Variants in ADAM23 observed in about 807,000 individuals in gnomAD.
The protein encoded by ADAM23 is disintegrin and metalloproteinase domain-containing protein 23.
In ADAM23, 33 loss-of-function variants were observed where a neutral mutation model predicts 120.1. That is an observed-to-expected ratio of 0.27 (90% CI 0.21 to 0.37). The LOEUF is 0.37. Ranked by LOEUF, ADAM23 falls within the 10% of genes least tolerant of loss-of-function variation. The probability of loss-of-function intolerance (pLI) is 1.00; values close to 1 mark genes in which losing one functional copy is unlikely to be tolerated. For missense variants in ADAM23, 862 were observed against 1,058.2 expected (o/e 0.81, Z 2.57); for synonymous variants, 367 against 375.2 (o/e 0.98, Z 0.25).
At chr2:206,610,512 A>C (rs2105865025) in intron 25 of ADAM23, among the ~76,000 whole-genome samples, 1 of 152,358 alleles carries the variant, frequency 6.6e-6, no homozygotes, top group South Asian at 2.1e-4. Flanking sequence ...AGATTTTAAA[A>C]GTATTTGTAT....
At chr2:206,471,332 A>T (rs1695656353) in intron 2 of ADAM23, among the ~76,000 whole-genome samples, 1 of 152,206 alleles carries the variant, frequency 6.6e-6, no homozygotes, top group African/African-American at 2.4e-5. Context: ...TAGTCATCAT[A>T]AAGACTCAAG....
At chr2:206,559,522 T>G (rs1697715210) in intron 10 of ADAM23, among the ~76,000 whole-genome samples, 1 of 152,178 alleles carries the variant, frequency 6.6e-6, no homozygotes, top group African/African-American at 2.4e-5. Context: ...TATTGTTTGG[T>G]GCTTATCTGG....
chr2:206,483,037 G>A (rs1395347572), intron 3 of ADAM23, among the ~76,000 whole-genome samples: 4 of 152,130 alleles, frequency 2.6e-5, no homozygotes, highest in Admixed American at 2.6e-4. Context: ...TGGAAGTTCT[G>A]GTATTTCACG....
intron 3 of ADAM23, among the ~76,000 whole-genome samples, chr2:206,499,517 A>T (rs975222252): frequency 2.0e-5 from 3 of 150,570 alleles, no homozygotes; most frequent in Non-Finnish European, 4.4e-5. Context: ...GGGGGATAGC[A>T]TTAGGAGATA....
At chr2:206,520,041 A>G (rs937242376) in intron 3 of ADAM23, among the ~76,000 whole-genome samples, 1 of 152,170 alleles carries the variant, frequency 6.6e-6, no homozygotes, top group Admixed American at 6.6e-5. Context: ...AAAAGGAGCA[A>G]GATTATCATC....
At chr2:206,497,868 CAGAG>C (rs1404281207) in intron 3 of ADAM23, among the ~76,000 whole-genome samples, 1 of 152,084 alleles carries the variant, frequency 6.6e-6, no homozygotes, top group Non-Finnish European at 1.5e-5. Flanking sequence ...AACAGACAAA[CAGAG>C]AGCCAAATCA....
intron 24 of ADAM23, among the ~76,000 whole-genome samples, chr2:206,603,149 A>G (rs1221331775): frequency 6.6e-6 from 1 of 152,212 alleles, no homozygotes; most frequent in Non-Finnish European, 1.5e-5. Flanking sequence ...GAATGAATTA[A>G]TGAATAAATT....
chr2:206,571,364 A>G (rs1035501845), intron 16 of ADAM23, among the ~76,000 whole-genome samples: 8 of 151,908 alleles, frequency 5.3e-5, no homozygotes, highest in African/African-American at 1.9e-4. Context: ...AGTCCCAGCT[A>G]CTCGGGAGGC....
intron 2 of ADAM23, among the ~76,000 whole-genome samples, chr2:206,473,460 G>A (rs1170328048): frequency 2.6e-5 from 4 of 152,018 alleles, no homozygotes; most frequent in Non-Finnish European, 5.9e-5. Flanking sequence ...TATGCCAGGG[G>A]TAGTGGCTCA....
intron 3 of ADAM23, among the ~76,000 whole-genome samples, chr2:206,494,463 G>T (rs1399858315): frequency 1.3e-5 from 2 of 152,200 alleles, no homozygotes; most frequent in African/African-American, 2.4e-5. Context: ...AGAATAAGAT[G>T]CAGTTCGTTT....
chr2:206,596,184 A>G, intron 24 of ADAM23, 22 bp downstream of exon 24: 1 of 1,572,794 alleles, frequency 6.4e-7, no homozygotes, highest in African/African-American at 1.3e-5. Context: ...TTTGGTTTCA[A>G]TTCATGGAAT....
At chr2:206,459,217 T>C (rs1695362691) in intron 2 of ADAM23, among the ~76,000 whole-genome samples, 1 of 152,242 alleles carries the variant, frequency 6.6e-6, no homozygotes, top group African/African-American at 2.4e-5. Flanking sequence ...GTACTGTCAC[T>C]TGTTCCCTTC....
chr2:206,620,480 T>C lies in ADAM23; in HGVS notation c.*2853T>C, dbSNP rs367781639. The C allele has an allele frequency of 3.3e-5, 5 of 152,216 alleles. No homozygotes were observed. In the South Asian group the frequency reaches 6.2e-4, roughly 19 times the overall value. 9.4% of individuals were successfully genotyped at this position (152,216 alleles called of 1,614,324 possible). On this transcript the variant is annotated 3_prime_UTR_variant, in exon 26 of 26. Transcript: ENST00000264377. Reference sequence around the variant, plus strand: ...TTATGTAGTTTCAAACTCTTTGCTGTATTTTGTTTTGCACCTGCCATTCAT... The same window carrying C: ...TTATGTAGTTTCAAACTCTTTGCTGCATTTTGTTTTGCACCTGCCATTCAT...
At chr2:206,610,022 C>T (rs933360617) in intron 25 of ADAM23, 22 bp downstream of exon 25, 3 of 1,535,680 alleles carry the variant, frequency 2.0e-6, no homozygotes, top group Non-Finnish European at 2.6e-6. Context: ...CGCATGTCTT[C>T]TTCTCAGTGG....
At chr2:206,561,238 T>C (rs935023372) in intron 12 of ADAM23, 26 bp downstream of exon 12, 12 of 1,589,424 alleles carry the variant, frequency 7.5e-6, no homozygotes, top group Non-Finnish European at 1.0e-5. Flanking sequence ...TAGAGTTTCA[T>C]CTTTGCATCT....
At chr2:206,580,148 C>A (rs754767001) in intron 18 of ADAM23, among the ~76,000 whole-genome samples, 24 of 152,260 alleles carry the variant, frequency 1.6e-4, no homozygotes, top group Non-Finnish European at 3.1e-4. Flanking sequence ...GGTAAACAAT[C>A]ATATCATCAG....
Position 206,570,799 on chromosome 2 carries a change from T to C in ADAM23, c.1554T>C (p.Cys518=), listed in dbSNP as rs779951696. 4 of 1,613,808 alleles carry C rather than the reference T, an allele frequency of 2.5e-6. No individual in the cohort carries two copies. The highest frequency in any genetic ancestry group is 4.5e-5 in the East Asian group (2 of 44,850). ...GYVEAGEECD[C]GFHVECYGLC... The stretch of plus-strand genomic sequence containing the variant: ...TGGAAGCTGGGGAGGAGTGTGATTG[T>C]GGTTTTCATGTGGTAGGTATAAGAA... The change falls in exon 16 of 26, where the codon TGT becomes TGC. Residue 518 remains cysteine (C), a synonymous_variant. Transcript: ENST00000264377.
chr2:206,592,545 G>A (rs1039818438), intron 21 of ADAM23, 72 bp from the exon 22 acceptor site: 1 of 1,552,102 alleles, frequency 6.4e-7, no homozygotes, highest in Non-Finnish European at 8.8e-7. Flanking sequence ...AATCAATGTG[G>A]ACCGAATCGT....
chr2:206,578,118 G>A (rs1489232723), intron 18 of ADAM23, among the ~76,000 whole-genome samples: 1 of 152,094 alleles, frequency 6.6e-6, no homozygotes, highest in African/African-American at 2.4e-5. Flanking sequence ...ATCCTGATGT[G>A]CTTTTTCTAA....
Sources: allele counts gnomAD v4.1 joint callset (sites outside exome capture counted in the v4.1 genomes callset), GRCh38; gene constraint gnomAD v4.1.1; transcripts MANE v1.5; gene names NCBI Gene and HGNC (gene_info 2026-07-23, HGNC 2026-07-21).